GPR158: variants seen among roughly 807,000 people sequenced by gnomAD.
GPR158 encodes the protein G protein-coupled receptor 158.
In GPR158, 30 loss-of-function variants were observed where a neutral mutation model predicts 78.2. The observed-to-expected ratio is 0.38, with a 90% confidence interval of 0.29 to 0.52. The LOEUF (loss-of-function observed/expected upper bound fraction) is 0.52, where lower values mean the gene tolerates loss of function less well. Among genes scored for constraint, GPR158 ranks in the 20% least tolerant of loss-of-function variants. GPR158 has a pLI of 0.83. For missense variants in GPR158, 1,463 were observed against 1,523.5 expected, an observed-to-expected ratio of 0.96 and a Z score of 0.66; for synonymous variants, 581 against 591.1, an observed-to-expected ratio of 0.98 and a Z score of 0.25.
At chr10:25,538,825 G>C (rs945488147) in intron 5 of GPR158, among the ~76,000 whole-genome samples, 1 of 152,104 alleles carries the variant, frequency 6.6e-6, no homozygotes. Flanking sequence ...ATAAACTTCT[G>C]TCTTAAGTCA....
chr10:25,590,640 A>T (rs1837330206), intron 8 of GPR158, among the ~76,000 whole-genome samples: 1 of 152,180 alleles, frequency 6.6e-6, no homozygotes, highest in Non-Finnish European at 1.5e-5. Flanking sequence ...AACCAGTTAC[A>T]AGTTAAATGT....
intron 2 of GPR158, among the ~76,000 whole-genome samples, chr10:25,317,094 A>C (rs1040536414): frequency 4.6e-5 from 7 of 150,830 alleles, no homozygotes; most frequent in Non-Finnish European, 1.0e-4. Context: ...CCCAGGGTGG[A>C]GTGCAGTTGG....
intron 2 of GPR158, among the ~76,000 whole-genome samples, chr10:25,358,499 T>G (rs1432398059): frequency 1.3e-5 from 2 of 152,064 alleles, no homozygotes; most frequent in Non-Finnish European, 2.9e-5. Context: ...GCTGTTCATG[T>G]GTAGGTGAAT....
intron 3 of GPR158, among the ~76,000 whole-genome samples, chr10:25,411,933 C>CAAAAAAAAAA (rs1164005677): frequency 2.1e-5 from 1 of 47,486 alleles, no homozygotes; most frequent in Non-Finnish European, 3.7e-5. Flanking sequence ...GACTCTATCA[C>CAAAAAAAAAA]AAAAAAAAAA....
chr10:25,435,560 G>T (rs4271295), intron 4 of GPR158, among the ~76,000 whole-genome samples: 106,378 of 151,980 alleles, frequency 0.7, 38,241 homozygotes, highest in Non-Finnish European at 0.8. Context: ...GACAACAGTG[G>T]CAGAGTGGAG....
At position 25,497,919 on chromosome 10, in the gene GPR158, G is replaced by C. The variant is rs1379355946; in HGVS notation, c.1404+31200G>C. 2.6e-5 allele frequency among the ~76,000 whole-genome samples: 4 copies of C among 152,240 alleles called. No individual in the cohort carries two copies. In the East Asian group the frequency reaches 5.8e-4, roughly 22 times the overall value. On this transcript the variant is annotated intron_variant, in intron 5 of 10. Transcript: ENST00000376351. ...AATATTATCAGTATCACTAAACCTT[G>C]TAAAAATAATTTAACGTTGCTGGGT... is the stretch of plus-strand genomic sequence containing the variant.
intron 4 of GPR158, among the ~76,000 whole-genome samples, chr10:25,417,573 C>G (rs1834680221): frequency 1.3e-5 from 2 of 152,070 alleles, no homozygotes; most frequent in Admixed American, 1.3e-4. Flanking sequence ...TACTGCTGGT[C>G]TTTACTGAGT....
At chr10:25,337,547 A>G (rs1279110974) in intron 2 of GPR158, among the ~76,000 whole-genome samples, 1 of 151,988 alleles carries the variant, frequency 6.6e-6, no homozygotes, top group Non-Finnish European at 1.5e-5. Flanking sequence ...CCATTTTATT[A>G]TGATGGACAT....
chr10:25,252,030 T>C (rs947407341), intron 2 of GPR158, among the ~76,000 whole-genome samples: 22 of 151,318 alleles, frequency 1.5e-4, no homozygotes, highest in African/African-American at 4.8e-4. Context: ...TTCTTTTTTC[T>C]CTAAACTTCC....
intron 2 of GPR158, among the ~76,000 whole-genome samples, chr10:25,316,889 G>T (rs1346916277): frequency 5.4e-5 from 4 of 74,190 alleles, no homozygotes; most frequent in South Asian, 1.1e-3. Context: ...GTATGTATTT[G>T]TGTGTGTGTG....
intron 2 of GPR158, among the ~76,000 whole-genome samples, chr10:25,221,755 T>G (rs1853302714): frequency 6.6e-6 from 1 of 152,192 alleles, no homozygotes; most frequent in Non-Finnish European, 1.5e-5. Context: ...TCACTTGTCT[T>G]TTGTAGTTTC....
At chr10:25,199,281 C>T (rs1337820946) in intron 1 of GPR158, among the ~76,000 whole-genome samples, 4 of 152,016 alleles carry the variant, frequency 2.6e-5, no homozygotes, top group South Asian at 4.2e-4. Flanking sequence ...AGCATAGTAC[C>T]TGATAGGTAG....
Position 25,457,629 on chromosome 10 carries a change from G to A in GPR158, c.1336-9022G>A, listed in dbSNP as rs1314858878. On this transcript the variant is annotated intron_variant, in intron 4 of 10. Transcript: ENST00000376351. Reference sequence around the variant, plus strand: ...AAGGGCAAAGCCATCCATATGTTAGGAATGTATTTGAAAGGCTTCTTAGCC... The same window carrying A: ...AAGGGCAAAGCCATCCATATGTTAGAAATGTATTTGAAAGGCTTCTTAGCC... Among the ~76,000 whole-genome samples, 5 of 152,188 alleles carry A rather than the reference G, an allele frequency of 3.3e-5. No individual in the cohort carries two copies. The East Asian group carries it at 9.6e-4, about 29-fold the overall frequency.
intron 5 of GPR158, among the ~76,000 whole-genome samples, chr10:25,480,893 G>A (rs988705575): frequency 6.6e-5 from 10 of 152,200 alleles, no homozygotes; most frequent in Admixed American, 2.0e-4. Context: ...GCCTGTGACC[G>A]GGTATCCCTT....
At chr10:25,262,933 G>C in intron 2 of GPR158, among the ~76,000 whole-genome samples, 1 of 152,084 alleles carries the variant, frequency 6.6e-6, no homozygotes, top group East Asian at 1.9e-4. Flanking sequence ...ACAGTTCTTT[G>C]CACACTTTGC....
intron 2 of GPR158, among the ~76,000 whole-genome samples, chr10:25,344,996 G>A (rs1042077377): frequency 1.3e-5 from 2 of 151,926 alleles, no homozygotes; most frequent in Non-Finnish European, 2.9e-5. Flanking sequence ...TGAGGGCTCT[G>A]CCTTTATGAC....
intron 3 of GPR158, among the ~76,000 whole-genome samples, chr10:25,404,837 A>T (rs1361092745): frequency 1.3e-5 from 2 of 152,120 alleles, no homozygotes; most frequent in Non-Finnish European, 2.9e-5. Flanking sequence ...TTAGGAGAGA[A>T]CTGAGCAGAG....
chr10:25,296,666 A>G (rs1854519852), intron 2 of GPR158, among the ~76,000 whole-genome samples: 1 of 151,760 alleles, frequency 6.6e-6, no homozygotes, highest in Admixed American at 6.5e-5. Flanking sequence ...AGTGTTTACA[A>G]CATGCCAGAT....
intron 1 of GPR158, among the ~76,000 whole-genome samples, chr10:25,201,749 T>A (rs2807242): frequency 0.12 from 18,411 of 152,104 alleles, 1,316 homozygotes; most frequent in East Asian, 0.24. Context: ...TGTTTTTTTT[T>A]AATTCTGTTT....
Sources: allele counts gnomAD v4.1 joint callset (sites outside exome capture counted in the v4.1 genomes callset), GRCh38; gene constraint gnomAD v4.1.1; transcripts MANE v1.5; gene names NCBI Gene and HGNC (gene_info 2026-07-23, HGNC 2026-07-21).